CSMD1: variants seen among roughly 807,000 people sequenced by gnomAD.
CSMD1 encodes the protein CUB and sushi domain-containing protein 1.
Under a neutral mutation model 417.5 loss-of-function variants are expected in CSMD1, and 213 were observed. The ratio of observed to expected loss-of-function variants is 0.51; its 90% CI spans 0.46 to 0.57. The LOEUF (loss-of-function observed/expected upper bound fraction) is 0.57. CSMD1 is among the 20% of genes least tolerant of loss of function. The pLI is 0.00. For synonymous variants in CSMD1, 2,862 were observed against 1,736.8 expected (o/e 1.65, Z -16.11); for missense variants, 6,923 against 4,529.7 (o/e 1.53, Z -15.17).
chr8:4,015,913 G>C (rs1337752017), intron 4 of CSMD1, among the ~76,000 whole-genome samples: 1 of 152,070 alleles, frequency 6.6e-6, no homozygotes, highest in Non-Finnish European at 1.5e-5. Flanking sequence ...CAAACAAATG[G>C]CAACAAACAA....
intron 26 of CSMD1, among the ~76,000 whole-genome samples, chr8:3,266,379 G>C (rs1053309577): frequency 6.6e-6 from 1 of 151,796 alleles, no homozygotes; most frequent in Admixed American, 6.6e-5. Context: ...GCTGAGGCGG[G>C]TGGATCACCT....
At chr8:4,495,988 A>G (rs1032962262) in intron 2 of CSMD1, among the ~76,000 whole-genome samples, 1 of 152,318 alleles carries the variant, frequency 6.6e-6, no homozygotes, top group African/African-American at 2.4e-5. Context: ...TCTGGCCTTC[A>G]GCAACTGCGA....
intron 18 of CSMD1, among the ~76,000 whole-genome samples, chr8:3,378,892 G>C (rs1298278735): frequency 6.6e-6 from 1 of 152,158 alleles, no homozygotes; most frequent in Non-Finnish European, 1.5e-5. Context: ...GGAAGTTCTG[G>C]CCAGGGTACT....
At chr8:4,385,694 T>C (rs1034575185) in intron 3 of CSMD1, among the ~76,000 whole-genome samples, 2 of 152,166 alleles carry the variant, frequency 1.3e-5, no homozygotes, top group Non-Finnish European at 2.9e-5. Flanking sequence ...AAAATAGTAA[T>C]ATAGTATTTT....
In CSMD1 at chr8:4,488,685, G is replaced by A. The variant is rs186055273; in HGVS notation, c.303-68620C>T. 6.4e-3 allele frequency among the ~76,000 whole-genome samples: 732 copies of A among 114,352 alleles called. 2 individuals are homozygous for A. The highest frequency in any genetic ancestry group is 0.024 in the African/African-American group (680 of 28,736). 75.0% of individuals were successfully genotyped at this position (114,352 alleles called of 152,430 possible). On this transcript the variant is annotated intron_variant, in intron 2 of 69. Coordinates refer to ENST00000635120, the MANE Select transcript of CSMD1 (RefSeq NM_033225.6). ...CAAAGAATTACATAATCATGGCGGT[G>A]GGGGGGGTGAAAAGTGTGGATATGT...
chr8:4,383,173 G>T (rs1179424834), intron 3 of CSMD1, among the ~76,000 whole-genome samples: 2 of 152,152 alleles, frequency 1.3e-5, no homozygotes, highest in Non-Finnish European at 2.9e-5. Context: ...CTTAGCTCCA[G>T]ATGACATTCA....
intron 1 of CSMD1, among the ~76,000 whole-genome samples, chr8:4,753,894 G>T (rs1811502711): frequency 6.6e-6 from 1 of 152,176 alleles, no homozygotes; most frequent in Non-Finnish European, 1.5e-5. Context: ...GTGGCAGGGA[G>T]TTGTTTTCCT....
At chr8:4,615,017 G>C (rs201011153) in intron 2 of CSMD1, among the ~76,000 whole-genome samples, 4 of 152,244 alleles carry the variant, frequency 2.6e-5, no homozygotes, top group Admixed American at 1.3e-4. Context: ...ATTGGTGGAC[G>C]CTAATGACTT....
intron 2 of CSMD1, among the ~76,000 whole-genome samples, chr8:4,455,929 CAAAAAAAAAAAA>C (rs71207091): frequency 3.8e-3 from 44 of 11,652 alleles, no homozygotes; most frequent in East Asian, 7.5e-3. Context: ...ACTCCAACTC[CAAAAAAAAAAAA>C]AAAAAAAAAA....
chr8:4,663,756 A>T (rs1585413652), intron 1 of CSMD1, among the ~76,000 whole-genome samples: 2 of 152,194 alleles, frequency 1.3e-5, no homozygotes, highest in African/African-American at 4.8e-5. Context: ...GTAGTTCTTT[A>T]AAGTAACGTG....
At chr8:3,340,381 G>T (rs117974340) in intron 23 of CSMD1, among the ~76,000 whole-genome samples, 1 of 152,108 alleles carries the variant, frequency 6.6e-6, no homozygotes, top group Non-Finnish European at 1.5e-5. Context: ...TTCTAAAAAT[G>T]TTAGGGTTTT....
chr8:4,847,268 T>A (rs372054626), intron 1 of CSMD1, among the ~76,000 whole-genome samples: 2 of 152,250 alleles, frequency 1.3e-5, no homozygotes, highest in South Asian at 4.1e-4. Context: ...TTTAGCACTT[T>A]AGAATCTCAA....
At chr8:3,817,584 C>T (rs1164299844) in intron 5 of CSMD1, among the ~76,000 whole-genome samples, 1 of 151,964 alleles carries the variant, frequency 6.6e-6, no homozygotes, top group Non-Finnish European at 1.5e-5. Flanking sequence ...TGGCCATCTT[C>T]TTTATTTAGA....
At chr8:4,696,523 A>T (rs1173154255) in intron 1 of CSMD1, among the ~76,000 whole-genome samples, 2 of 152,222 alleles carry the variant, frequency 1.3e-5, no homozygotes, top group East Asian at 3.9e-4. Flanking sequence ...CTTAAACATT[A>T]TCCTACCCTG....
chr8:3,619,937 A>T (rs1802340142), intron 7 of CSMD1, among the ~76,000 whole-genome samples: 1 of 152,146 alleles, frequency 6.6e-6, no homozygotes, highest in Non-Finnish European at 1.5e-5. Flanking sequence ...CCCCATTTCT[A>T]CTAAAAATAT....
chr8:4,023,402 T>A (rs942291484), intron 4 of CSMD1, among the ~76,000 whole-genome samples: 1 of 152,068 alleles, frequency 6.6e-6, no homozygotes, highest in African/African-American at 2.4e-5. Context: ...CAAAAGTAAT[T>A]CCAATTTCAT....
intron 11 of CSMD1, among the ~76,000 whole-genome samples, chr8:3,489,473 G>T (rs1479609042): frequency 6.6e-6 from 1 of 152,168 alleles, no homozygotes; most frequent in African/African-American, 2.4e-5. Flanking sequence ...GGAATCCAGG[G>T]AAGGCCATAG....
chr8:4,048,075 A>T (rs1798241006), intron 3 of CSMD1, among the ~76,000 whole-genome samples: 2 of 152,184 alleles, frequency 1.3e-5, no homozygotes, highest in South Asian at 4.1e-4. Context: ...TATTTTGTGC[A>T]TTCCTAATTG....
chr8:4,043,115 A>C (rs1797977705), intron 3 of CSMD1, among the ~76,000 whole-genome samples: 1 of 152,128 alleles, frequency 6.6e-6, no homozygotes, highest in African/African-American at 2.4e-5. Flanking sequence ...CCTGGGTGAG[A>C]CAGTGAGACT....
Sources: gnomAD v4.1 joint callset for allele counts (sites outside exome capture counted in the v4.1 genomes callset) on GRCh38, gnomAD v4.1.1 for gene constraint, MANE v1.5 for transcripts, NCBI Gene and HGNC (gene_info 2026-07-23, HGNC 2026-07-21) for gene names.